Variants in PCNX1 observed in about 807,000 individuals in gnomAD.
PCNX1 encodes pecanex 1, also known as pecanex-like protein 1.
In PCNX1, 78 loss-of-function variants were observed where a neutral mutation model predicts 242.2. That is an observed-to-expected ratio of 0.32 (90% CI 0.27 to 0.39). The LOEUF (loss-of-function observed/expected upper bound fraction) is 0.39. PCNX1 is among the 10% of genes least tolerant of loss of function. The pLI is 1.00. For missense variants in PCNX1, 2,581 were observed against 2,856.5 expected (o/e 0.90, Z 2.20); for synonymous variants, 1,024 against 1,032.9 (o/e 0.99, Z 0.17).
At chr14:71,103,781 A>G (rs982112595) in intron 32 of PCNX1, 112 bp downstream of exon 32, 2 of 836,132 alleles carry the variant, frequency 2.4e-6, no homozygotes, top group Non-Finnish European at 3.7e-6. Context: ...CCATGGTACA[A>G]TATGAACCCA....
At chr14:71,012,711 T>A (rs1369868830) in intron 10 of PCNX1, 2 of 360,904 alleles carry the variant, frequency 5.5e-6, no homozygotes, top group Admixed American at 8.7e-5. Context: ...CAGGTGCCTG[T>A]AATCCCAGCT....
chr14:70,953,203 C>G (rs148872859), intron 2 of PCNX1, among the ~76,000 whole-genome samples: 1 of 152,062 alleles, frequency 6.6e-6, no homozygotes, highest in African/African-American at 2.4e-5. Context: ...CACTTGAGAC[C>G]AGGAGTTCAA....
intron 24 of PCNX1, 31 bp from the exon 25 acceptor site, chr14:71,055,473 A>G (rs764587457): frequency 2.8e-5 from 38 of 1,349,692 alleles, no homozygotes; most frequent in Non-Finnish European, 3.6e-5. Context: ...TAATGTAAAG[A>G]AAGTTACTAA....
intron 30 of PCNX1, among the ~76,000 whole-genome samples, chr14:71,094,551 A>G (rs540329713): frequency 3.3e-5 from 5 of 152,326 alleles, no homozygotes; most frequent in South Asian, 2.1e-4. Context: ...AGTACTTCAT[A>G]GGTGTTTTTG....
chr14:70,920,143 T>C (rs1342870572), intron 1 of PCNX1, among the ~76,000 whole-genome samples: 2 of 152,348 alleles, frequency 1.3e-5, no homozygotes, highest in Middle Eastern at 3.4e-3. Context: ...CATTTTGTTA[T>C]AATTTTAGAT....
Position 71,108,699 on chromosome 14 carries a change from A to C in PCNX1, c.6397A>C (p.Ser2133Arg). 1 of 1,614,234 alleles carries C rather than the reference A, an allele frequency of 6.2e-7. No homozygotes were observed. Among genetic ancestry groups the C allele is most frequent in the Non-Finnish European group, 8.5e-7 (1 of 1,180,040 alleles). Residue 2133 changes from serine to arginine, a missense_variant, in exon 34 of 36, where the codon AGC (serine) becomes CGC (arginine). By Grantham distance (110) the Ser-to-Arg change is moderately radical. Coordinates refer to ENST00000304743, the MANE Select transcript of PCNX1 (RefSeq NM_014982.3). ...CAGCCAGTCTTCCTACTGCTATAGC[A>C]GCCGGCATTCATCCCTCCGGATGTC... ...VASQSSYCYS[S>R]RHSSLRMSTT...
intron 26 of PCNX1, among the ~76,000 whole-genome samples, chr14:71,063,720 A>G (rs186241224): frequency 9.2e-5 from 14 of 152,110 alleles, no homozygotes; most frequent in Non-Finnish European, 1.9e-4. Flanking sequence ...CATTCAGCCA[A>G]TTTATTATTT....
chr14:71,099,513 C>A (rs2141797657), intron 30 of PCNX1, among the ~76,000 whole-genome samples: 1 of 151,622 alleles, frequency 6.6e-6, no homozygotes, highest in South Asian at 2.1e-4. Context: ...TGTGGTCGAT[C>A]ATAGGGTATG....
intron 19 of PCNX1, among the ~76,000 whole-genome samples, chr14:71,042,507 G>T (rs558135204): frequency 1.3e-5 from 2 of 151,708 alleles, no homozygotes; most frequent in South Asian, 4.2e-4. Flanking sequence ...TTTGGTTTCT[G>T]TATGCCTGGA....
chr14:71,005,957 C>G (rs1055276716), intron 8 of PCNX1, among the ~76,000 whole-genome samples: 3 of 145,608 alleles, frequency 2.1e-5, no homozygotes, highest in South Asian at 2.2e-4. Context: ...GGGTCTCACT[C>G]TCTTGCCCAG....
chr14:70,971,866 G>A (rs1217438576), intron 5 of PCNX1, among the ~76,000 whole-genome samples: 1 of 152,192 alleles, frequency 6.6e-6, no homozygotes, highest in Non-Finnish European at 1.5e-5. Flanking sequence ...CTGGCTCAGA[G>A]TAAGTGAAGG....
In PCNX1 at chr14:70,909,757, C is replaced by T. The variant is rs1452322836; in HGVS notation, c.153+1754C>T. 2.0e-5 allele frequency among the ~76,000 whole-genome samples: 3 copies of T among 152,126 alleles called. No individual in the cohort carries two copies. The East Asian group carries it at 5.8e-4, about 29-fold the overall frequency. ...ACTGAATTCTCACATATTTGAGTGT[C>T]TACCATGTACTAGACACTTTCTGAG... is the stretch of plus-strand genomic sequence containing the variant. On this transcript the variant is annotated intron_variant, in intron 1 of 35. Transcript: ENST00000304743.
rs571660218 is a variant in PCNX1, at chr14:70,994,240, A to G, written c.2445-1501A>G. On this transcript the variant is annotated intron_variant, in intron 7 of 35. Transcript: ENST00000304743. The stretch of plus-strand genomic sequence containing the variant: ...CTCACTACTGCCTGCTTTGGTAGCT[A>G]TTAGCTCTGGTAGCACTAGGTATGT... Among the ~76,000 whole-genome samples the G allele has an allele frequency of 2.0e-5, 3 of 151,938 alleles. No homozygotes were observed. The East Asian group carries it at 5.8e-4, about 29-fold the overall frequency.
At position 71,047,974 on chromosome 14, in the gene PCNX1, T is replaced by C; in HGVS notation, c.4328T>C (p.Leu1443Pro). The change falls in exon 22 of 36, where the codon CTC becomes CCC. Residue 1443 changes from leucine (L) to proline (P), a missense_variant. Leu to Pro is a moderately conservative substitution (Grantham distance 98). Around this residue, in one of 9 missense-constraint regions of PCNX1, gnomAD observed 432 missense variants for 443.1 expected, o/e 0.97. Transcript: ENST00000304743. Reference sequence around the variant, plus strand: ...TTGGATCTCTTCTTTATGTCCATACTCTTCAACAAGGTAATTTATCACTGA... The same window carrying C: ...TTGGATCTCTTCTTTATGTCCATACCCTTCAACAAGGTAATTTATCACTGA... ...MLLDLFFMSI[L>P]FNKLWELLYK... The C allele has an allele frequency of 6.2e-7, 1 of 1,609,512 alleles. No homozygotes were observed. Among genetic ancestry groups the C allele is most frequent in the Non-Finnish European group, 8.5e-7 (1 of 1,177,164 alleles).
At chr14:70,996,615 T>G (rs935209040) in intron 8 of PCNX1, among the ~76,000 whole-genome samples, 5 of 152,202 alleles carry the variant, frequency 3.3e-5, no homozygotes, top group African/African-American at 4.8e-5. Context: ...TTATGTTACT[T>G]TGGTTTCTGT....
intron 2 of PCNX1, among the ~76,000 whole-genome samples, chr14:70,953,695 G>GT (rs2057882668): frequency 1.8e-5 from 2 of 114,088 alleles, no homozygotes; most frequent in Admixed American, 1.9e-4. Context: ...ATGAATTGGA[G>GT]TTTCACTTTT....
intron 1 of PCNX1, 23 bp downstream of exon 1, chr14:70,908,026 G>A (rs1173587297): frequency 1.3e-6 from 2 of 1,546,632 alleles, no homozygotes; most frequent in Non-Finnish European, 1.7e-6. Flanking sequence ...GCGGGGAGCG[G>A]GTGGCTCCTT....
rs1373997376 is a variant in PCNX1 at position 71,085,811 on chromosome 14, C to T, written c.5338-2519C>T. 8.1e-6 allele frequency: 3 copies of T among 369,182 alleles called. No homozygotes were observed. In the East Asian group the frequency reaches 2.5e-4, roughly 31 times the overall value. 22.9% of individuals were successfully genotyped at this position (369,182 alleles called of 1,614,324 possible). On this transcript the variant is annotated intron_variant, in intron 28 of 35. Transcript: ENST00000304743. The stretch of plus-strand genomic sequence containing the variant: ...CTTCAGCCCATCCTTAGGAGCCACA[C>T]AGGTGCCTGGTTCTCTGTTTTCCTT...
rs1053928043 is a variant in PCNX1 at position 71,110,977 on chromosome 14, G to C, written c.*1042G>C. ...CTTGAAGTTATTCACATGCAGTTCA[G>C]TTAGTCAAGTAAAATTTTTTTTCAA... On this transcript the variant is annotated 3_prime_UTR_variant, in exon 36 of 36. Transcript: ENST00000304743. The C allele has an allele frequency of 1.3e-5, 2 of 152,610 alleles. No homozygotes were observed. Among genetic ancestry groups the C allele is most frequent in the Non-Finnish European group, 2.9e-5 (2 of 68,012 alleles). The allele number at this position is 152,610 out of a possible 1,614,324, so 9.5% of individuals were successfully genotyped here. A position where few individuals can be genotyped will look rare whatever the true frequency, so the allele number is the denominator to read the frequency against.
Sources: allele counts gnomAD v4.1 joint callset (sites outside exome capture counted in the v4.1 genomes callset), GRCh38; gene constraint gnomAD v4.1.1; regional missense constraint gnomAD v4.1.1; transcripts MANE v1.5; gene names NCBI Gene and HGNC (gene_info 2026-07-23, HGNC 2026-07-21).